The following MDFIC2 variants were observed in gnomAD, a reference collection of about 807,000 sequenced individuals.
MDFIC2 encodes the protein MyoD family inhibitor domain containing 2, also known as myoD family inhibitor domain-containing protein 2.
chr3:70,244,727 G>T (rs1039400793), intron 2 of MDFIC2, among the ~76,000 whole-genome samples: 5 of 152,170 alleles, frequency 3.3e-5, no homozygotes, highest in Admixed American at 3.3e-4. Context: ...GAATCATTAT[G>T]CTCTTATGAA....
At chr3:70,247,734 T>A (rs888042893) in intron 2 of MDFIC2, among the ~76,000 whole-genome samples, 2 of 151,818 alleles carry the variant, frequency 1.3e-5, no homozygotes, top group Non-Finnish European at 1.5e-5. Context: ...CAATGCAATA[T>A]AAAGCAAGTG....
intron 2 of MDFIC2, among the ~76,000 whole-genome samples, chr3:70,266,380 C>T (rs1205565990): frequency 6.6e-6 from 1 of 151,868 alleles, no homozygotes; most frequent in Non-Finnish European, 1.5e-5. Context: ...AACTGCTTCA[C>T]TTCTCTACTT....
At chr3:70,280,151 T>G (rs762952023) in intron 2 of MDFIC2, among the ~76,000 whole-genome samples, 2 of 152,132 alleles carry the variant, frequency 1.3e-5, no homozygotes, top group African/African-American at 2.4e-5. Context: ...TTTCCTGACC[T>G]GTGACTGCTG....
intron 2 of MDFIC2, among the ~76,000 whole-genome samples, chr3:70,224,695 A>T (rs1438492639): frequency 6.6e-6 from 1 of 152,106 alleles, no homozygotes; most frequent in Non-Finnish European, 1.5e-5. Flanking sequence ...GGAGTTAAAT[A>T]TCAGGAGAAA....
intron 2 of MDFIC2, among the ~76,000 whole-genome samples, chr3:70,268,501 C>G (rs1170440471): frequency 6.7e-6 from 1 of 149,726 alleles, no homozygotes; most frequent in Admixed American, 6.7e-5. Flanking sequence ...AAAAAATCCC[C>G]ACCAGAATGG....
chr3:70,286,477 T>C (rs1435341075), intron 2 of MDFIC2, among the ~76,000 whole-genome samples: 3 of 151,856 alleles, frequency 2.0e-5, no homozygotes, highest in Admixed American at 1.3e-4. Context: ...TAGTATAGTT[T>C]GAAGTCAGGT....
At chr3:70,278,100 G>A (rs1381286153) in intron 2 of MDFIC2, among the ~76,000 whole-genome samples, 1 of 151,890 alleles carries the variant, frequency 6.6e-6, no homozygotes, top group Non-Finnish European at 1.5e-5. Context: ...CATTTCCCCC[G>A]CCTCCCAGTC....
intron 2 of MDFIC2, among the ~76,000 whole-genome samples, chr3:70,252,728 C>T (rs1461673654): frequency 1.3e-5 from 2 of 151,940 alleles, no homozygotes; most frequent in African/African-American, 4.8e-5. Context: ...CTCTACATGT[C>T]AGGAACTGGT....
At chr3:70,275,668 T>C (rs1702017954) in intron 2 of MDFIC2, among the ~76,000 whole-genome samples, 1 of 152,220 alleles carries the variant, frequency 6.6e-6, no homozygotes, top group Admixed American at 6.5e-5. Flanking sequence ...AGCTTCTTCA[T>C]CTGTTCATCA....
chr3:70,220,562 A>G (rs1433444108), intron 2 of MDFIC2, among the ~76,000 whole-genome samples: 1 of 152,200 alleles, frequency 6.6e-6, no homozygotes, highest in Non-Finnish European at 1.5e-5. Context: ...GAATTTCAAC[A>G]TACAAAACTA....
chr3:70,272,218 C>A (rs1434320317), intron 2 of MDFIC2: 10 of 152,174 alleles, frequency 6.6e-5, no homozygotes, highest in African/African-American at 2.2e-4. Context: ...AAAGTGCACA[C>A]CATCACAATT....
At chr3:70,299,921 C>A (rs1042830342) in intron 2 of MDFIC2, among the ~76,000 whole-genome samples, 2 of 151,996 alleles carry the variant, frequency 1.3e-5, no homozygotes, top group African/African-American at 2.4e-5. Context: ...TTTCACACTC[C>A]CACACACGCC....
chr3:70,278,301 A>G (rs1702047762), intron 2 of MDFIC2, among the ~76,000 whole-genome samples: 2 of 152,220 alleles, frequency 1.3e-5, no homozygotes, highest in South Asian at 4.1e-4. Flanking sequence ...TGACAGGACT[A>G]CATATGTGTA....
chr3:70,301,231 C>G (rs962483862), intron 2 of MDFIC2, among the ~76,000 whole-genome samples: 1 of 152,012 alleles, frequency 6.6e-6, no homozygotes, highest in Non-Finnish European at 1.5e-5. Flanking sequence ...TTAGCCCAAA[C>G]CTACTGAGTC....
In MDFIC2 at chr3:70,214,547, C is replaced by T. The variant is rs374226619; in HGVS notation, c.89-7757G>A. Among the ~76,000 whole-genome samples, 102 of 151,118 alleles carry T rather than the reference C, an allele frequency of 6.7e-4. 2 individuals are homozygous for T. The South Asian group carries it at 0.021, about 30-fold the overall frequency. ...TGAGGGAAGAAGGCTGAGCATGGCC[C>T]CCTCCCCAAGCTTCCCCAACACCTG... is the stretch of plus-strand genomic sequence containing the variant. On this transcript the variant is annotated intron_variant, in intron 2 of 3. Coordinates refer to ENST00000567252, the MANE Select transcript of MDFIC2 (RefSeq NM_001364677.1).
intron 2 of MDFIC2, among the ~76,000 whole-genome samples, chr3:70,216,157 T>A (rs566545670): frequency 6.6e-6 from 1 of 151,420 alleles, no homozygotes; most frequent in South Asian, 2.1e-4. Context: ...TATATCTACA[T>A]ATTTATATTT....
intron 2 of MDFIC2, among the ~76,000 whole-genome samples, chr3:70,244,054 G>A (rs572459591): frequency 1.4e-4 from 21 of 152,228 alleles, no homozygotes; most frequent in Non-Finnish European, 3.1e-4. Context: ...ATTCTTCACA[G>A]ATTTTCCACC....
chr3:70,200,940 T>C (rs1701231333), intron 3 of MDFIC2, among the ~76,000 whole-genome samples: 1 of 150,958 alleles, frequency 6.6e-6, no homozygotes. Context: ...CAAAAGCCAA[T>C]CTACAGCCCT....
At chr3:70,246,219 T>G (rs1415814919) in intron 2 of MDFIC2, among the ~76,000 whole-genome samples, 2 of 152,088 alleles carry the variant, frequency 1.3e-5, no homozygotes, top group Non-Finnish European at 2.9e-5. Context: ...TTTTAATTTT[T>G]GATATTTTTA....
Sources: allele counts gnomAD v4.1 joint callset (sites outside exome capture counted in the v4.1 genomes callset), GRCh38; gene constraint gnomAD v4.1.1; transcripts MANE v1.5; gene names NCBI Gene and HGNC (gene_info 2026-07-23, HGNC 2026-07-21).